ARHGAP24: variants seen among roughly 807,000 people sequenced by gnomAD.
ARHGAP24 encodes the protein Rho GTPase activating protein 24, also known as rho GTPase-activating protein 24.
Under a neutral mutation model 76.4 loss-of-function variants are expected in ARHGAP24, and 50 were observed. The ratio of observed to expected loss-of-function variants is 0.65; its 90% confidence interval spans 0.52 to 0.83. ARHGAP24 has a LOEUF of 0.83. ARHGAP24 is among the 40% of genes least tolerant of loss of function. The pLI, the probability that ARHGAP24 is intolerant of heterozygous loss-of-function variation, is 0.00. For missense variants in ARHGAP24, 930 were observed against 914.2 expected (o/e 1.02, Z -0.22); for synonymous variants, 345 against 323.3 (o/e 1.07, Z -0.72).
At chr4:85,743,350 T>G (rs1353812912) in intron 3 of ARHGAP24, among the ~76,000 whole-genome samples, 1 of 135,578 alleles carries the variant, frequency 7.4e-6, no homozygotes, top group Admixed American at 8.6e-5. Context: ...GACTCACTCC[T>G]GTAATCCCAG....
intron 3 of ARHGAP24, among the ~76,000 whole-genome samples, chr4:85,874,858 T>TA (rs1221818188): frequency 2.0e-5 from 2 of 102,382 alleles, no homozygotes; most frequent in Non-Finnish European, 3.5e-5. Context: ...AATTTATATA[T>TA]AAATATATTT....
At chr4:85,888,816 C>G (rs544951854) in intron 3 of ARHGAP24, among the ~76,000 whole-genome samples, 2 of 152,226 alleles carry the variant, frequency 1.3e-5, no homozygotes, top group African/African-American at 4.8e-5. Context: ...TGTTGTTCCA[C>G]TCTACGTGTC....
intron 2 of ARHGAP24, among the ~76,000 whole-genome samples, chr4:85,656,529 G>A (rs926307084): frequency 4.6e-5 from 7 of 152,042 alleles, no homozygotes; most frequent in African/African-American, 1.2e-4. Flanking sequence ...GTGCAGTGGC[G>A]TGATCTTGGC....
intron 2 of ARHGAP24, among the ~76,000 whole-genome samples, chr4:85,660,794 CAA>C (rs34228407): frequency 1.5e-4 from 9 of 59,432 alleles, no homozygotes; most frequent in Non-Finnish European, 2.2e-4. Context: ...GACTCCGTCT[CAA>C]AAAAAAAAAA....
At chr4:85,480,431 GCTTTTTGTATGA>G (rs972593558) in intron 1 of ARHGAP24, among the ~76,000 whole-genome samples, 15 of 152,128 alleles carry the variant, frequency 9.9e-5, no homozygotes, top group African/African-American at 3.6e-4. Context: ...CGCCAGTCAA[GCTTTTTGTATGA>G]CATGGTTCAC....
At position 86,001,077 on chromosome 4, in the gene ARHGAP24, C is replaced by T; in HGVS notation, c.*355C>T. On this transcript the variant is annotated 3_prime_UTR_variant, in exon 10 of 10. Coordinates refer to ENST00000395184, the MANE Select transcript of ARHGAP24 (RefSeq NM_001025616.3). Reference sequence around the variant, plus strand: ...TTGCTTTCAAGCTTCACCCCTTGCACTTAACATAAGCTATTTTTGGCATTG... The same window carrying T: ...TTGCTTTCAAGCTTCACCCCTTGCATTTAACATAAGCTATTTTTGGCATTG... 1 of 422,740 alleles carries T rather than the reference C, an allele frequency of 2.4e-6. No individual in the cohort carries two copies. The highest frequency in any genetic ancestry group is 4.1e-6 in the Non-Finnish European group (1 of 241,246). The allele number at this position is 422,740 out of a possible 1,614,324, so 26.2% of individuals were successfully genotyped here.
intron 2 of ARHGAP24, among the ~76,000 whole-genome samples, chr4:85,711,975 C>CATTTCTG (rs1182551973): frequency 6.6e-6 from 1 of 152,146 alleles, no homozygotes; most frequent in Non-Finnish European, 1.5e-5. Context: ...TCGCTCTTCA[C>CATTTCTG]ATTTCTGTTT....
At chr4:85,744,910 C>T (rs962512914) in intron 3 of ARHGAP24, among the ~76,000 whole-genome samples, 2 of 152,136 alleles carry the variant, frequency 1.3e-5, no homozygotes, top group Non-Finnish European at 2.9e-5. Flanking sequence ...ATTAGCCAGG[C>T]GGTACAGAAT....
chr4:85,566,490 C>T (rs761038227), intron 1 of ARHGAP24, among the ~76,000 whole-genome samples: 1 of 151,996 alleles, frequency 6.6e-6, no homozygotes, highest in African/African-American at 2.4e-5. Flanking sequence ...TCTTCTATGT[C>T]AAAGGAAAAA....
At chr4:85,498,182 G>A (rs952848252) in intron 1 of ARHGAP24, among the ~76,000 whole-genome samples, 1 of 152,164 alleles carries the variant, frequency 6.6e-6, no homozygotes, top group Admixed American at 6.5e-5. Context: ...TGTCAAAGGT[G>A]ACTAATATCT....
chr4:85,999,438 TGTG>T (rs1438012453), intron 9 of ARHGAP24, among the ~76,000 whole-genome samples: 5 of 152,206 alleles, frequency 3.3e-5, no homozygotes, highest in African/African-American at 4.8e-5. Context: ...AATATCAACA[TGTG>T]GGGATCAAAT....
chr4:85,695,650 C>A (rs1317255996), intron 2 of ARHGAP24, among the ~76,000 whole-genome samples: 2 of 152,140 alleles, frequency 1.3e-5, no homozygotes. Flanking sequence ...AGCTAAATAA[C>A]TCACACCTAA....
At chr4:85,872,727 A>G (rs1313430641) in intron 3 of ARHGAP24, among the ~76,000 whole-genome samples, 1 of 149,878 alleles carries the variant, frequency 6.7e-6, no homozygotes, top group Non-Finnish European at 1.5e-5. Flanking sequence ...CCACCCAAAT[A>G]GCTGGGATTA....
intron 3 of ARHGAP24, among the ~76,000 whole-genome samples, chr4:85,849,663 G>T (rs1397793782): frequency 6.6e-6 from 1 of 152,184 alleles, no homozygotes; most frequent in African/African-American, 2.4e-5. Flanking sequence ...ATGAAGGGCT[G>T]TTGCATTTTA....
At chr4:85,774,913 G>A (rs987523192) in intron 3 of ARHGAP24, among the ~76,000 whole-genome samples, 4 of 152,122 alleles carry the variant, frequency 2.6e-5, no homozygotes, top group African/African-American at 9.7e-5. Flanking sequence ...TCAAATGCCT[G>A]TTTTATACTA....
chr4:85,723,130 T>G (rs994355400), intron 3 of ARHGAP24, among the ~76,000 whole-genome samples: 1 of 150,790 alleles, frequency 6.6e-6, no homozygotes, highest in Admixed American at 6.6e-5. Flanking sequence ...GAATACCCTG[T>G]ATAGAACCAG....
At chr4:85,740,540 T>C (rs1197765243) in intron 3 of ARHGAP24, among the ~76,000 whole-genome samples, 3 of 152,222 alleles carry the variant, frequency 2.0e-5, no homozygotes, top group African/African-American at 7.2e-5. Context: ...TTTTCATATC[T>C]ATTACAGAGT....
intron 2 of ARHGAP24, among the ~76,000 whole-genome samples, chr4:85,692,403 T>C (rs1723698543): frequency 6.6e-6 from 1 of 152,224 alleles, no homozygotes; most frequent in African/African-American, 2.4e-5. Context: ...TTGTGCACTA[T>C]ATCCTCAAGT....
At chr4:85,723,185 T>C (rs1028600768) in intron 3 of ARHGAP24, 1 of 152,238 alleles carries the variant, frequency 6.6e-6, no homozygotes, top group Non-Finnish European at 1.5e-5. Context: ...AGAGGAAATG[T>C]CTTTTCCGAT....
Sources: allele counts gnomAD v4.1 joint callset (sites outside exome capture counted in the v4.1 genomes callset), GRCh38; gene constraint gnomAD v4.1.1; transcripts MANE v1.5; gene names NCBI Gene and HGNC (gene_info 2026-07-23, HGNC 2026-07-21).